Variants in BLTP1 observed in about 807,000 individuals in gnomAD.
BLTP1 encodes bridge-like lipid transfer protein family member 1.
the BLTP1 span, among the ~76,000 whole-genome samples, chr4:122,163,956 G>T: frequency 6.6e-6 from 1 of 151,866 alleles, no homozygotes; most frequent in Non-Finnish European, 1.5e-5. Context: ...CTTATTTGTA[G>T]TTGTCTCCGC....
the BLTP1 span, chr4:122,244,093 A>G: frequency 7.0e-7 from 1 of 1,427,194 alleles, no homozygotes; most frequent in Non-Finnish European, 9.3e-7. Context: ...TATGATAAGT[A>G]TATGTGATAT....
the BLTP1 span, chr4:122,154,046 C>A: frequency 5.1e-6 from 5 of 982,912 alleles, no homozygotes; most frequent in Non-Finnish European, 6.0e-6. Context: ...TGAAACACTG[C>A]AGAAAGGCTA....
chr4:122,280,804 A>G, the BLTP1 span, among the ~76,000 whole-genome samples: 2 of 152,114 alleles, frequency 1.3e-5, no homozygotes, highest in South Asian at 4.1e-4. Flanking sequence ...TTTTATCTAA[A>G]TCTTTAATTC....
chr4:122,236,723 T>A, the BLTP1 span: 2 of 919,882 alleles, frequency 2.2e-6, no homozygotes, highest in Non-Finnish European at 2.6e-6. Context: ...TGATGTGAAA[T>A]GAGGAAAATA....
At chr4:122,274,797 G>C in the BLTP1 span, 1 of 187,602 alleles carries the variant, frequency 5.3e-6, no homozygotes, top group Non-Finnish European at 9.9e-6. Flanking sequence ...CTAAATAGAG[G>C]ATTTGGTTCA....
chr4:122,156,894 A>T, the BLTP1 span, among the ~76,000 whole-genome samples: 2 of 152,182 alleles, frequency 1.3e-5, no homozygotes, highest in East Asian at 1.9e-4. Flanking sequence ...GAAGGAGATG[A>T]TGATGATGAT....
At chr4:122,212,253 A>G in the BLTP1 span, among the ~76,000 whole-genome samples, 21 of 152,176 alleles carry the variant, frequency 1.4e-4, no homozygotes, top group African/African-American at 5.1e-4. Flanking sequence ...GTAACTTAGT[A>G]TAAAAGATGC....
the BLTP1 span, chr4:122,257,165 A>C: frequency 8.0e-7 from 1 of 1,254,090 alleles, no homozygotes; most frequent in Non-Finnish European, 1.1e-6. Flanking sequence ...AATGAGTATT[A>C]TGAGATTTGA....
At chr4:122,152,509 C>G in the BLTP1 span, 1 of 985,888 alleles carries the variant, frequency 1.0e-6, no homozygotes, top group Non-Finnish European at 1.2e-6. Flanking sequence ...GTCGCCGCCC[C>G]TGCCGCCGCC....
At chr4:122,204,190 G>A in the BLTP1 span, among the ~76,000 whole-genome samples, 13 of 151,834 alleles carry the variant, frequency 8.6e-5, no homozygotes, top group Admixed American at 2.0e-4. Context: ...CAGACATTAT[G>A]TATATTGAGT....
the BLTP1 span, chr4:122,281,469 G>C: frequency 4.2e-6 from 6 of 1,435,936 alleles, no homozygotes; most frequent in African/African-American, 8.7e-5. Flanking sequence ...GAGAAATCCA[G>C]TGATTTTCTA....
chr4:122,186,055 G>C, the BLTP1 span: 2 of 1,597,582 alleles, frequency 1.3e-6, no homozygotes, highest in South Asian at 1.1e-5. Context: ...CAGAAACCAG[G>C]TTATACATCA....
At chr4:122,294,208 G>C in the BLTP1 span, among the ~76,000 whole-genome samples, 2 of 152,102 alleles carry the variant, frequency 1.3e-5, no homozygotes, top group Admixed American at 1.3e-4. Flanking sequence ...CGGTGGTCTG[G>C]ATGAGGGGCG....
the BLTP1 span, chr4:122,316,219 ATTC>A: frequency 2.8e-6 from 1 of 353,658 alleles, no homozygotes; most frequent in Non-Finnish European, 5.8e-6. Context: ...AAAGAAACTT[ATTC>A]TTTGATTTCA....
the BLTP1 span, chr4:122,281,647 C>T: frequency 3.1e-6 from 5 of 1,613,166 alleles, no homozygotes; most frequent in African/African-American, 4.0e-5. Flanking sequence ...TACCAGAAGG[C>T]TTAGAAAAGA....
the BLTP1 span, chr4:122,263,137 T>C: frequency 3.1e-6 from 3 of 957,884 alleles, no homozygotes; most frequent in Non-Finnish European, 3.7e-6. Flanking sequence ...ATTGTTCTGT[T>C]TGTAACTTTT....
At chr4:122,347,998 T>C in the BLTP1 span, among the ~76,000 whole-genome samples, 17 of 151,636 alleles carry the variant, frequency 1.1e-4, no homozygotes, top group Admixed American at 9.9e-4. Context: ...GCTTTACAAA[T>C]AGATAAGGGG....
chr4:122,239,441 T>A, the BLTP1 span: 1 of 1,213,078 alleles, frequency 8.2e-7, no homozygotes, highest in Non-Finnish European at 1.1e-6. Flanking sequence ...CTAAAAGGAT[T>A]TTTATTGATA....
At chr4:122,221,356 G>A in the BLTP1 span, among the ~76,000 whole-genome samples, 1 of 151,980 alleles carries the variant, frequency 6.6e-6, no homozygotes, top group Non-Finnish European at 1.5e-5. Context: ...TATGTGCTAG[G>A]CATTGTTTTT....
Sources: allele counts gnomAD v4.1 joint callset (sites outside exome capture counted in the v4.1 genomes callset), GRCh38; gene constraint gnomAD v4.1.1; transcripts MANE v1.5; gene names NCBI Gene and HGNC (gene_info 2026-07-23, HGNC 2026-07-21).